Variants in FAM107A observed in about 807,000 individuals in gnomAD.
The protein encoded by FAM107A is actin-associated protein FAM107A.
A neutral mutation model predicts 13.7 loss-of-function variants in FAM107A; 19 were observed. That is an observed-to-expected ratio of 1.38 (90% CI 0.97 to 2.03). FAM107A has a LOEUF of 2.03. Ranked by LOEUF, FAM107A falls within the 30% of genes most tolerant of loss-of-function variation. The probability of loss-of-function intolerance (pLI) is 0.00; values close to 1 mark genes in which losing one functional copy is unlikely to be tolerated. For synonymous variants in FAM107A, 82 were observed against 74.5 expected (o/e 1.10, Z -0.52); for missense variants, 203 against 184.4 (o/e 1.10, Z -0.58).
chr3:58,605,682 C>A (rs1399603073), intron 1 of FAM107A, among the ~76,000 whole-genome samples: 1 of 152,156 alleles, frequency 6.6e-6, no homozygotes, highest in Non-Finnish European at 1.5e-5. Flanking sequence ...GGCACCAGGT[C>A]CTCTATCATG....
chr3:58,589,965 G>A (rs1051922658), upstream of FAM107A, among the ~76,000 whole-genome samples: 7 of 152,130 alleles, frequency 4.6e-5, no homozygotes, highest in African/African-American at 1.7e-4. Context: ...ATTCTTCAAG[G>A]GCCAAGTCAG....
chr3:58,590,038 C>G (rs1439881067), upstream of FAM107A, among the ~76,000 whole-genome samples: 1 of 152,240 alleles, frequency 6.6e-6, no homozygotes, highest in Non-Finnish European at 1.5e-5. Context: ...TCTTTACACT[C>G]TCAGAGCTTT....
intron 1 of FAM107A, among the ~76,000 whole-genome samples, chr3:58,599,114 G>T (rs908165717): frequency 2.6e-5 from 4 of 151,684 alleles, no homozygotes; most frequent in African/African-American, 9.7e-5. Flanking sequence ...GCTAATTTTT[G>T]TATTTTTAGT....
chr3:58,568,704 C>CA (rs1412934402), intron 2 of FAM107A, among the ~76,000 whole-genome samples: 3 of 152,122 alleles, frequency 2.0e-5, no homozygotes, highest in African/African-American at 7.2e-5. Context: ...ATTGGTCACA[C>CA]AACTGAAAAC....
chr3:58,600,877 G>A (rs114217425), intron 1 of FAM107A, among the ~76,000 whole-genome samples: 262 of 152,202 alleles, frequency 1.7e-3, no homozygotes, highest in African/African-American at 6.2e-3. Flanking sequence ...ACCCCCACAG[G>A]ACCCGACAAA....
chr3:58,572,644 T>C (rs777165539), intron 1 of FAM107A: 4 of 150,556 alleles, frequency 2.7e-5, no homozygotes, highest in African/African-American at 4.9e-5. Flanking sequence ...AAAAAGGTTA[T>C]TCTCGCTGCT....
upstream of FAM107A, chr3:58,577,788 A>T: frequency 1.1e-6 from 1 of 937,824 alleles, no homozygotes; most frequent in Non-Finnish European, 1.3e-6. This position sits in a 1 kb window ranked among gnomAD's most constrained non-coding sequence, Gnocchi z 4.9. Context: ...TCAGGAGAAA[A>T]TGGCTCTGGG....
chr3:58,597,580 G>C (rs1185047884), intron 1 of FAM107A, among the ~76,000 whole-genome samples: 1 of 152,228 alleles, frequency 6.6e-6, no homozygotes, highest in Non-Finnish European at 1.5e-5. Context: ...TGTCTGCAAT[G>C]CCTAGCACAG....
intron 1 of FAM107A, among the ~76,000 whole-genome samples, chr3:58,576,161 C>T (rs978769658): frequency 1.3e-5 from 2 of 152,238 alleles, no homozygotes; most frequent in African/African-American, 2.4e-5. Flanking sequence ...ACCTCCAGAT[C>T]TCCCAGCAGC....
intron 1 of FAM107A, among the ~76,000 whole-genome samples, chr3:58,614,349 T>C (rs547384059): frequency 1.1e-4 from 17 of 151,756 alleles, no homozygotes; most frequent in African/African-American, 3.6e-4. Flanking sequence ...TTATTATTAT[T>C]ATAAAATGAA....
At position 58,617,063 on chromosome 3, in the gene FAM107A, C is replaced by T. The variant is rs1575457942; in HGVS notation, c.-70+10353G>A. ...CTGGGATTACAGGCGTGAGCCACCG[C>T]GCCTGGCCTCGGCTACCCAGTTTCT... On this transcript the variant is annotated intron_variant, in intron 1 of 3. Coordinates refer to the FAM107A transcript ENST00000465970. The surrounding 1 kb of genome is among the most constrained non-coding windows in gnomAD (Gnocchi z 4.5). Among the ~76,000 whole-genome samples the T allele has an allele frequency of 6.6e-6, 1 of 152,170 alleles. No individual in the cohort carries two copies. Among genetic ancestry groups the T allele is most frequent in the Admixed American group, 6.5e-5 (1 of 15,282 alleles).
chr3:58,588,680 C>A (rs139745009), upstream of FAM107A, among the ~76,000 whole-genome samples: 1 of 152,222 alleles, frequency 6.6e-6, no homozygotes, highest in Admixed American at 6.5e-5. Context: ...TTAATCCACT[C>A]AATAGCTCTT....
intron 1 of FAM107A, among the ~76,000 whole-genome samples, chr3:58,592,681 A>G (rs1439035946): frequency 6.6e-6 from 1 of 152,182 alleles, no homozygotes; most frequent in African/African-American, 2.4e-5. Context: ...AATCTTCAGG[A>G]AAGGTAGAAC....
chr3:58,599,695 C>CTTTT (rs1559483413), intron 1 of FAM107A, among the ~76,000 whole-genome samples: 2 of 45,744 alleles, frequency 4.4e-5, no homozygotes, highest in Non-Finnish European at 1.1e-4. Flanking sequence ...ACAAGTGCAC[C>CTTTT]ATTTTTTTTT....
Position 58,613,403 on chromosome 3 carries a change from A to G in FAM107A, c.-70+14013T>C, listed in dbSNP as rs2065872588. ...GAGCTGACCTCAGCCCTCCCGTGCC[A>G]AGATCCTTGGCCTGGTTCCTCTGAC... On this transcript the variant is annotated intron_variant, in intron 1 of 3. Coordinates refer to the FAM107A transcript ENST00000465970. This position sits in a 1 kb window ranked among gnomAD's most constrained non-coding sequence, Gnocchi z 4.6. 6.6e-6 allele frequency among the ~76,000 whole-genome samples: 1 copy of G among 151,972 alleles called. No individual in the cohort carries two copies. Among genetic ancestry groups the G allele is most frequent in the African/African-American group, 2.4e-5 (1 of 41,364 alleles).
At chr3:58,605,383 A>G (rs1020685672) in intron 1 of FAM107A, among the ~76,000 whole-genome samples, 1 of 152,178 alleles carries the variant, frequency 6.6e-6, no homozygotes, top group African/African-American at 2.4e-5. Flanking sequence ...CTCCCTATCT[A>G]TGCGGCTCCC....
chr3:58,575,553 C>G lies in FAM107A; in HGVS notation c.-6+1756G>C, dbSNP rs191644617. On this transcript the variant is annotated intron_variant, in intron 1 of 3. Transcript: ENST00000360997. ...ATACACAGAGAGTAAGCAGCAAAGC[C>G]AGGACCTTGGACGCCAAATTCAATG... is the stretch of plus-strand genomic sequence containing the variant. Among the ~76,000 whole-genome samples, 77 of 152,278 alleles carry G rather than the reference C, an allele frequency of 5.1e-4. 2 individuals are homozygous for G. The East Asian group carries it at 7.3e-3, about 15-fold the overall frequency.
chr3:58,619,414 A>T (rs1367158994), intron 1 of FAM107A, among the ~76,000 whole-genome samples: 1 of 152,092 alleles, frequency 6.6e-6, no homozygotes, highest in Non-Finnish European at 1.5e-5. Flanking sequence ...TAACCCCAGA[A>T]CCAGGAATCT....
chr3:58,567,708 G>A (rs1184879686), intron 2 of FAM107A, among the ~76,000 whole-genome samples: 3 of 152,088 alleles, frequency 2.0e-5, no homozygotes, highest in African/African-American at 7.2e-5. Context: ...AAGATTTGAG[G>A]TACATATATC....
Sources: gnomAD v4.1 joint callset for allele counts (sites outside exome capture counted in the v4.1 genomes callset) on GRCh38, gnomAD v4.1.1 for gene constraint, Gnocchi (gnomAD v3.1) non-coding constraint, MANE v1.5 for transcripts, NCBI Gene and HGNC (gene_info 2026-07-23, HGNC 2026-07-21) for gene names.